Variants in JAKMIP2 observed in about 807,000 individuals in gnomAD.
The protein encoded by JAKMIP2 is janus kinase and microtubule-interacting protein 2.
A neutral mutation model predicts 115.0 loss-of-function variants in JAKMIP2; 25 were observed. The observed-to-expected ratio is 0.22, with a 90% CI of 0.16 to 0.30. The LOEUF (loss-of-function observed/expected upper bound fraction) is 0.30. Among genes scored for constraint, JAKMIP2 ranks in the 10% least tolerant of loss-of-function variants. JAKMIP2 has a pLI of 1.00. For missense variants in JAKMIP2, 642 were observed against 957.6 expected (o/e 0.67, Z 4.35); for synonymous variants, 334 against 343.6 (o/e 0.97, Z 0.31).
At chr5:147,698,253 T>C (rs539926510) in intron 1 of JAKMIP2, among the ~76,000 whole-genome samples, 1 of 152,290 alleles carries the variant, frequency 6.6e-6, no homozygotes, top group South Asian at 2.1e-4. Context: ...AACAGGTGTA[T>C]TTACCCAATG....
In JAKMIP2 at chr5:147,650,546, A is replaced by T; in HGVS notation, c.629T>A (p.Met210Lys). The T allele has an allele frequency of 6.2e-7, 1 of 1,610,372 alleles. No individual in the cohort carries two copies. Among genetic ancestry groups the T allele is most frequent in the South Asian group, 1.1e-5 (1 of 90,990 alleles). ...WESERDIRRLMDEIKAKDRII... is the reference protein window; with the variant it reads ...WESERDIRRLKDEIKAKDRII... ...CCTGTCCTTGGCTTTGATTTCATCCATCTGAATTAAATGAGACCCAGGACA... is the reference window on the plus strand; with the variant it reads ...CCTGTCCTTGGCTTTGATTTCATCCTTCTGAATTAAATGAGACCCAGGACA... Residue 210 changes from methionine to lysine, a missense_variant and splice_region_variant, in exon 4 of 22, where the codon ATG becomes AAG. Physicochemically the swap from Met to Lys is moderately conservative, Grantham distance 95 (BLOSUM62 -1). Around this residue, in one of 6 missense-constraint regions of JAKMIP2, gnomAD observed 439 missense variants for 570.9 expected, o/e 0.77. Coordinates refer to ENST00000616793, the MANE Select transcript of JAKMIP2 (RefSeq NM_001270941.2).
chr5:147,742,155 A>ATGTATATATATATATATATTT lies in JAKMIP2; in HGVS notation c.-149+40300_-149+40301insAAATATATATATATATATACA. On this transcript the variant is annotated intron_variant, in intron 1 of 21. Transcript: ENST00000616793. ...TGTGGATCATTATATATATATATAT[A>ATGTATATATATATATATATTT]TTTTTTTTACTATTGTATTGTATCT... Among the ~76,000 whole-genome samples the ATGTATATATATATATATATTT allele has an allele frequency of 5.5e-5, 6 of 108,884 alleles. 1 individual carries two copies. Among genetic ancestry groups the ATGTATATATATATATATATTT allele is most frequent in the African/African-American group, 2.3e-4 (6 of 26,396 alleles). The allele number at this position is 108,884 out of a possible 152,430, so 71.4% of individuals were successfully genotyped here.
intron 1 of JAKMIP2, among the ~76,000 whole-genome samples, chr5:147,766,655 A>G (rs925676204): frequency 6.6e-6 from 1 of 152,176 alleles, no homozygotes; most frequent in African/African-American, 2.4e-5. Flanking sequence ...TCCATATACA[A>G]CAGCAGTACA....
intron 1 of JAKMIP2, among the ~76,000 whole-genome samples, chr5:147,698,015 T>G (rs1450717168): frequency 6.6e-6 from 1 of 152,112 alleles, no homozygotes; most frequent in Non-Finnish European, 1.5e-5. Flanking sequence ...CCGCAGACAC[T>G]CAACAGCAGC....
chr5:147,625,317 T>C (rs17106940), intron 16 of JAKMIP2, among the ~76,000 whole-genome samples: 17,319 of 152,174 alleles, frequency 0.11, 1,338 homozygotes, highest in South Asian at 0.27. Context: ...TGATAAATTA[T>C]GCAGCACAGC....
intron 21 of JAKMIP2, among the ~76,000 whole-genome samples, chr5:147,597,782 C>T (rs1232720839): frequency 1.3e-5 from 2 of 152,106 alleles, no homozygotes; most frequent in South Asian, 2.1e-4. Flanking sequence ...TCCCACAAAG[C>T]GTGTGTTAGA....
intron 16 of JAKMIP2, among the ~76,000 whole-genome samples, chr5:147,626,465 T>G (rs1205518004): frequency 6.6e-6 from 1 of 152,204 alleles, no homozygotes; most frequent in Non-Finnish European, 1.5e-5. Context: ...CGTAAGATCA[T>G]GGGCTTTAGA....
At chr5:147,769,989 C>T (rs1755290740) in intron 1 of JAKMIP2, among the ~76,000 whole-genome samples, 1 of 152,122 alleles carries the variant, frequency 6.6e-6, no homozygotes, top group Non-Finnish European at 1.5e-5. Context: ...AGAAAAATTT[C>T]TCATAAACTT....
intron 10 of JAKMIP2, among the ~76,000 whole-genome samples, chr5:147,639,282 C>T (rs917700050): frequency 6.6e-6 from 1 of 152,182 alleles, no homozygotes; most frequent in Non-Finnish European, 1.5e-5. Flanking sequence ...AGAGAAGACA[C>T]TGGCTCACTA....
chr5:147,741,305 T>C (rs1451950488), intron 1 of JAKMIP2, among the ~76,000 whole-genome samples: 7 of 152,260 alleles, frequency 4.6e-5, no homozygotes, highest in South Asian at 2.1e-4. Context: ...GATATATACT[T>C]TTCAAAAAAA....
At chr5:147,598,818 A>G (rs1160066300) in intron 21 of JAKMIP2, among the ~76,000 whole-genome samples, 1 of 152,206 alleles carries the variant, frequency 6.6e-6, no homozygotes, top group Non-Finnish European at 1.5e-5. Context: ...TGAACACAAT[A>G]CAAATCATTA....
intron 1 of JAKMIP2, among the ~76,000 whole-genome samples, chr5:147,728,545 C>G (rs893792814): frequency 9.2e-5 from 14 of 152,026 alleles, no homozygotes; most frequent in Non-Finnish European, 1.8e-4. Flanking sequence ...CGTACTGAAA[C>G]TATTTCTGTC....
At chr5:147,634,483 GTTAAC>G (rs1258305496) in intron 12 of JAKMIP2, among the ~76,000 whole-genome samples, 3 of 152,158 alleles carry the variant, frequency 2.0e-5, no homozygotes, top group East Asian at 1.9e-4. Flanking sequence ...GTTTGTAGAA[GTTAAC>G]TTAACATTAT....
At chr5:147,695,698 G>C (rs1752078797) in intron 1 of JAKMIP2, among the ~76,000 whole-genome samples, 1 of 151,924 alleles carries the variant, frequency 6.6e-6, no homozygotes, top group Non-Finnish European at 1.5e-5. Context: ...GACAGAGACA[G>C]AGACAGAGAA....
intron 1 of JAKMIP2, among the ~76,000 whole-genome samples, chr5:147,682,369 A>G (rs1012138926): frequency 6.6e-6 from 1 of 152,230 alleles, no homozygotes; most frequent in Admixed American, 6.5e-5. Flanking sequence ...AGGATTTCAC[A>G]TAGGGGAGTG....
chr5:147,733,318 T>C (rs1437274219), intron 1 of JAKMIP2, among the ~76,000 whole-genome samples: 1 of 152,178 alleles, frequency 6.6e-6, no homozygotes, highest in Non-Finnish European at 1.5e-5. Flanking sequence ...GAACAAAGAA[T>C]GTCTTTATGT....
intron 1 of JAKMIP2, among the ~76,000 whole-genome samples, chr5:147,749,295 C>T (rs911132263): frequency 4.5e-4 from 69 of 151,858 alleles, no homozygotes; most frequent in African/African-American, 1.6e-3. Flanking sequence ...GCATAGTACT[C>T]AACACTACTC....
At chr5:147,629,955 C>T (rs974676783) in intron 14 of JAKMIP2, among the ~76,000 whole-genome samples, 1 of 152,106 alleles carries the variant, frequency 6.6e-6, no homozygotes, top group African/African-American at 2.4e-5. Context: ...CTTAATTTTG[C>T]TAGTTGCAAA....
intron 1 of JAKMIP2, among the ~76,000 whole-genome samples, chr5:147,697,455 G>A (rs527874994): frequency 1.3e-5 from 2 of 152,156 alleles, no homozygotes; most frequent in African/African-American, 4.8e-5. Flanking sequence ...AAAGCCAAAT[G>A]TTAATCACCA....
Sources: allele counts gnomAD v4.1 joint callset (sites outside exome capture counted in the v4.1 genomes callset), GRCh38; gene constraint gnomAD v4.1.1; regional missense constraint gnomAD v4.1.1; transcripts MANE v1.5; gene names NCBI Gene and HGNC (gene_info 2026-07-23, HGNC 2026-07-21).